The following POF1B variants were observed in gnomAD, a reference collection of about 807,000 sequenced individuals.
POF1B encodes the protein protein POF1B.
POF1B carries 53 observed loss-of-function variants against 55.3 expected under a neutral mutation model. The observed-to-expected ratio is 0.96, with a 90% confidence interval of 0.77 to 1.20. The LOEUF is 1.20. POF1B is among the 50% of genes most tolerant of loss of function. The probability of loss-of-function intolerance (pLI) is 0.00; values close to 1 mark genes in which losing one functional copy is unlikely to be tolerated. For synonymous variants in POF1B, 188 were observed against 148.3 expected (o/e 1.27, Z -1.95); for missense variants, 478 against 420.5 (o/e 1.14, Z -1.20).
At position 85,311,253 on chromosome X, in the gene POF1B, G is replaced by A. The variant is rs146632567; in HGVS notation, c.958-3037C>T. Among the ~76,000 whole-genome samples, 569 of 111,124 alleles carry A rather than the reference G, an allele frequency of 5.1e-3. 4 individuals carry two copies. The highest frequency in any genetic ancestry group is 0.017 in the African/African-American group (532 of 30,580). ...GTTCTGGGATACATGTGCAGAACGT[G>A]CAGGTTTGTTACATAGGTATACACG... On this transcript the variant is annotated intron_variant, in intron 9 of 16. Transcript: ENST00000262753.
chrX:85,370,589 A>G (rs975594893), intron 2 of POF1B, among the ~76,000 whole-genome samples: 4 of 111,771 alleles, frequency 3.6e-5, no homozygotes, highest in Non-Finnish European at 7.5e-5. Flanking sequence ...TAGGTTTATT[A>G]ATTCCAGAAA....
At chrX:85,321,638 A>C (rs1253225977) in intron 7 of POF1B, among the ~76,000 whole-genome samples, 1 of 105,690 alleles carries the variant, frequency 9.5e-6, no homozygotes, top group Non-Finnish European at 1.9e-5. Context: ...AATTAGGAAA[A>C]GAGGAAGTCA....
chrX:85,310,721 G>A (rs1052024523), intron 9 of POF1B, among the ~76,000 whole-genome samples: 2 of 111,179 alleles, frequency 1.8e-5, no homozygotes, highest in African/African-American at 3.3e-5. Context: ...GTAAAACCTG[G>A]TAACATACAT....
intron 3 of POF1B, among the ~76,000 whole-genome samples, chrX:85,363,852 T>C (rs1253207994): frequency 1.8e-5 from 2 of 111,421 alleles, no homozygotes; most frequent in Non-Finnish European, 3.8e-5. Context: ...GGAGTGTTGA[T>C]GTCTCCCACT....
intron 15 of POF1B, 123 bp from the exon 16 acceptor site, chrX:85,282,440 T>C: frequency 2.7e-6 from 1 of 369,393 alleles, no homozygotes; most frequent in Non-Finnish European, 4.4e-6. Context: ...TTTTTAACTG[T>C]TACTGAAAAA....
At position 85,367,706 on chromosome X, in the gene POF1B, G is replaced by C; in HGVS notation, c.343C>G (p.Gln115Glu). 1 of 1,167,544 alleles carries C rather than the reference G, an allele frequency of 8.6e-7. No individual in the cohort carries two copies. Among genetic ancestry groups the C allele is most frequent in the Non-Finnish European group, 1.2e-6 (1 of 862,708 alleles). The change falls in exon 3 of 17, where the codon CAA becomes GAA. Residue 115 changes from glutamine (Q) to glutamate (E), a missense_variant. By Grantham distance (29) the Gln-to-Glu change is conservative. Coordinates refer to ENST00000262753, the MANE Select transcript of POF1B (RefSeq NM_024921.4). ...ACTTCTTTTACCTGTTCAGTATTTT[G>C]GGTTATATGTAGAGTACTTGGGGCA... ...TCAPSTLHIT[Q>E]NTEQELHSPT... is the part of the protein sequence containing the mutation.
At chrX:85,285,967 A>G (rs1296974335) in intron 15 of POF1B, among the ~76,000 whole-genome samples, 4 of 111,737 alleles carry the variant, frequency 3.6e-5, no homozygotes, top group African/African-American at 1.3e-4. Context: ...CAAAGGGAAA[A>G]TGATACAAGA....
At chrX:85,319,000 G>T (rs1362804111) in intron 7 of POF1B, among the ~76,000 whole-genome samples, 1 of 111,547 alleles carries the variant, frequency 9.0e-6, no homozygotes, top group Non-Finnish European at 1.9e-5. Flanking sequence ...CTATCCATTA[G>T]CATGGGATGT....
intron 3 of POF1B, among the ~76,000 whole-genome samples, chrX:85,360,527 G>GTATATATATATATATATATATATA (rs142665633): frequency 3.4e-5 from 2 of 58,537 alleles, no homozygotes; most frequent in African/African-American, 2.1e-4. Context: ...TCCATGGTAT[G>GTATATATATATATATATATATATA]TATATATATA....
chrX:85,379,286 C>T lies in POF1B; in HGVS notation c.169G>A (p.Gly57Arg). The T allele has an allele frequency of 8.3e-7, 1 of 1,210,668 alleles. No individual in the cohort carries two copies. Among genetic ancestry groups the T allele is most frequent in the Non-Finnish European group, 1.1e-6 (1 of 895,264 alleles). The change falls in exon 2 of 17, where the codon GGG (glycine) becomes AGG (arginine). Residue 57 changes from glycine to arginine, a missense_variant. Gly to Arg is a moderately radical substitution (Grantham distance 125, BLOSUM62 -2). Transcript: ENST00000262753. ...VVYERVRTYS[G>R]PMNKVVQALD... Reference sequence around the variant, plus strand: ...GCCTGCACCACCTTGTTCATGGGCCCACTGTAGGTCCTCACTCGCTCATAC... The same window carrying T: ...GCCTGCACCACCTTGTTCATGGGCCTACTGTAGGTCCTCACTCGCTCATAC...
At chrX:85,372,752 AT>A (rs1468668876) in intron 2 of POF1B, among the ~76,000 whole-genome samples, 5 of 103,009 alleles carry the variant, frequency 4.9e-5, no homozygotes, top group Non-Finnish European at 7.8e-5. Context: ...ATTCATATTT[AT>A]ATATATTATA....
chrX:85,296,638 G>A (rs1457293126), intron 15 of POF1B, among the ~76,000 whole-genome samples: 2 of 111,801 alleles, frequency 1.8e-5, no homozygotes, highest in Non-Finnish European at 1.9e-5. Flanking sequence ...CTTTGTAAGT[G>A]ACTAGAGCCT....
At chrX:85,364,409 T>C (rs934160348) in intron 3 of POF1B, among the ~76,000 whole-genome samples, 8 of 112,203 alleles carry the variant, frequency 7.1e-5, no homozygotes, top group Non-Finnish European at 1.5e-4. Context: ...CCATGTTTAG[T>C]GCTCCTTTCA....
chrX:85,302,742 A>G (rs1298722062), intron 15 of POF1B, among the ~76,000 whole-genome samples: 11 of 112,029 alleles, frequency 9.8e-5, no homozygotes, highest in Admixed American at 1.9e-4. Flanking sequence ...TTAGCAACCA[A>G]AAGGAATGAA....
chrX:85,339,024 T>C (rs1200769929), intron 6 of POF1B, among the ~76,000 whole-genome samples: 1 of 98,299 alleles, frequency 1.0e-5, no homozygotes, highest in African/African-American at 5.0e-5. Flanking sequence ...GGATAGAGGG[T>C]AGAGAAAAAG....
chrX:85,362,768 T>G, intron 3 of POF1B, among the ~76,000 whole-genome samples: 1 of 111,607 alleles, frequency 9.0e-6, no homozygotes, highest in Non-Finnish European at 1.9e-5. Flanking sequence ...ATAAAATGAT[T>G]TGGGGAGGAG....
At position 85,300,232 on chromosome X, in the gene POF1B, A is replaced by G. The variant is rs1049936713; in HGVS notation, c.1649+3174T>C. Among the ~76,000 whole-genome samples the G allele has an allele frequency of 4.5e-5, 5 of 111,817 alleles. No individual in the cohort carries two copies. In the Admixed American group the frequency reaches 4.7e-4, roughly 11 times the overall value. On this transcript the variant is annotated intron_variant, in intron 15 of 16. Transcript: ENST00000262753. Reference sequence around the variant, plus strand: ...CATGCCCAAGGCTGTACGCATGTGAAGGAAAGACCTGAGAAAATCCTGAGC... The same window carrying G: ...CATGCCCAAGGCTGTACGCATGTGAGGGAAAGACCTGAGAAAATCCTGAGC...
intron 6 of POF1B, among the ~76,000 whole-genome samples, chrX:85,334,983 C>A (rs1933043035): frequency 9.0e-6 from 1 of 111,358 alleles, no homozygotes; most frequent in Non-Finnish European, 1.9e-5. Context: ...AGCTTAAGAA[C>A]AAACATTTGT....
Position 85,330,966 on chromosome X carries a change from C to T in POF1B, c.837G>A (p.Leu279=). The T allele has an allele frequency of 8.4e-7, 1 of 1,191,253 alleles. No individual in the cohort carries two copies. Among genetic ancestry groups the T allele is most frequent in the Non-Finnish European group, 1.1e-6 (1 of 885,901 alleles). ...TDLYHCLLEH[L]QRIGGSKQDF... The stretch of plus-strand genomic sequence containing the variant: ...TACAGTACCTTCCTCCAATTCTCTG[C>T]AAATGTTCTAATAAGCAGTGATATA... Residue 279 remains leucine, a synonymous_variant, in exon 7 of 17, where the codon TTG becomes TTA. Transcript: ENST00000262753.
Sources: allele counts gnomAD v4.1 joint callset (sites outside exome capture counted in the v4.1 genomes callset), GRCh38; gene constraint gnomAD v4.1.1; transcripts MANE v1.5; gene names NCBI Gene and HGNC (gene_info 2026-07-23, HGNC 2026-07-21).